SLIT2: variants seen among roughly 807,000 people sequenced by gnomAD.
SLIT2 encodes slit guidance ligand 2, also known as slit homolog 2 protein.
In SLIT2, 41 loss-of-function variants were observed where a neutral mutation model predicts 185.7. That is an observed-to-expected ratio of 0.22 (90% CI 0.17 to 0.29). SLIT2 has a LOEUF of 0.29. Ranked by LOEUF, SLIT2 falls within the 10% of genes least tolerant of loss-of-function variation. The pLI, the probability that SLIT2 is intolerant of heterozygous loss-of-function variation, is 1.00. For missense variants in SLIT2, 1,571 were observed against 1,909.0 expected (o/e 0.82, Z 3.30); for synonymous variants, 693 against 680.2 (o/e 1.02, Z -0.29).
chr4:20,587,181 G>C (rs998847382), intron 29 of SLIT2, among the ~76,000 whole-genome samples: 2 of 151,912 alleles, frequency 1.3e-5, no homozygotes, highest in Non-Finnish European at 1.5e-5. Flanking sequence ...ACCACACCCA[G>C]CTAATTTTTG....
rs1044276655 is a variant in SLIT2 at position 20,479,820 on chromosome 4, A to G, written c.468-896A>G. ...CAAATAAGTGCTTAAGATATTGGAG[A>G]AGATTCATTTACTTCAATTATGCAT... On this transcript the variant is annotated intron_variant, in intron 5 of 36. Transcript: ENST00000504154. Among the ~76,000 whole-genome samples the G allele has an allele frequency of 5.9e-5, 9 of 152,164 alleles. No individual in the cohort carries two copies. The East Asian group carries it at 1.5e-3, about 26-fold the overall frequency.
At chr4:20,387,647 C>G (rs555341126) in intron 4 of SLIT2, among the ~76,000 whole-genome samples, 7 of 152,128 alleles carry the variant, frequency 4.6e-5, no homozygotes, top group Non-Finnish European at 7.3e-5. Context: ...ACGAGAGGAA[C>G]TTGGCCAGCC....
intron 12 of SLIT2, among the ~76,000 whole-genome samples, chr4:20,521,352 T>A (rs1720822688): frequency 6.6e-6 from 1 of 152,138 alleles, no homozygotes; most frequent in Non-Finnish European, 1.5e-5. Flanking sequence ...AAATTAAGTG[T>A]CTTAGTTTTG....
chr4:20,491,907 C>G lies in SLIT2; in HGVS notation c.914+8C>G. The G allele has an allele frequency of 6.2e-7, 1 of 1,606,982 alleles. No homozygotes were observed. Among genetic ancestry groups the G allele is most frequent in the Non-Finnish European group, 8.5e-7 (1 of 1,177,594 alleles). Reference sequence around the variant, plus strand: ...AGAGACCATCACAGAAATGTATGTGCCTGAAATTCTTTCTTATCTCCCCAC... The same window carrying G: ...AGAGACCATCACAGAAATGTATGTGGCTGAAATTCTTTCTTATCTCCCCAC... On this transcript the variant is annotated splice_region_variant and intron_variant, in intron 9 of 36. Coordinates refer to ENST00000504154, the MANE Select transcript of SLIT2 (RefSeq NM_004787.4).
intron 19 of SLIT2, among the ~76,000 whole-genome samples, chr4:20,540,787 T>C (rs1245356605): frequency 6.6e-6 from 1 of 152,180 alleles, no homozygotes; most frequent in African/African-American, 2.4e-5. Context: ...AAATGTGACA[T>C]TTTACATCGA....
At chr4:20,499,557 T>C (rs1718523010) in intron 9 of SLIT2, among the ~76,000 whole-genome samples, 2 of 152,200 alleles carry the variant, frequency 1.3e-5, no homozygotes, top group African/African-American at 2.4e-5. Context: ...TGGCACCTTC[T>C]TGGCTTACTG....
In SLIT2 at chr4:20,267,218, A is replaced by G. The variant is rs191952050; in HGVS notation, c.324-1592A>G. Among the ~76,000 whole-genome samples the G allele has an allele frequency of 1.2e-3, 177 of 152,130 alleles. 2 individuals carry two copies. The highest frequency in any genetic ancestry group is 2.4e-3 in the Admixed American group (36 of 15,262). On this transcript the variant is annotated intron_variant, in intron 3 of 36. Coordinates refer to ENST00000504154, the MANE Select transcript of SLIT2 (RefSeq NM_004787.4). The stretch of plus-strand genomic sequence containing the variant: ...GGAAGTACACTGTCTTCAGAATCAT[A>G]CCTAACAGAGAACAAATAAATGAAA...
At chr4:20,479,136 G>A (rs999194635) in intron 5 of SLIT2, among the ~76,000 whole-genome samples, 1 of 152,192 alleles carries the variant, frequency 6.6e-6, no homozygotes, top group East Asian at 1.9e-4. Context: ...AATAGTGCAC[G>A]TCCTAAATTG....
chr4:20,280,165 CTACTAAAAA>C (rs1363837173), intron 4 of SLIT2, among the ~76,000 whole-genome samples: 6 of 151,780 alleles, frequency 4.0e-5, no homozygotes, highest in Non-Finnish European at 7.4e-5. Flanking sequence ...AACCCTGTCT[CTACTAAAAA>C]TACAAAAAAT....
At chr4:20,547,617 C>G (rs1324417034) in intron 22 of SLIT2, among the ~76,000 whole-genome samples, 3 of 151,342 alleles carry the variant, frequency 2.0e-5, no homozygotes, top group Non-Finnish European at 2.9e-5. Flanking sequence ...TCCATTTATT[C>G]ATATATTTTG....
chr4:20,418,602 A>C (rs193105854), intron 4 of SLIT2, among the ~76,000 whole-genome samples: 152 of 152,336 alleles, frequency 1.0e-3, no homozygotes, highest in African/African-American at 3.3e-3. Flanking sequence ...TGATTTTATT[A>C]ACTCAAACCC....
intron 5 of SLIT2, among the ~76,000 whole-genome samples, chr4:20,471,840 G>A (rs1456423923): frequency 2.6e-5 from 4 of 152,074 alleles, no homozygotes; most frequent in African/African-American, 9.7e-5. Flanking sequence ...CAGATGGACA[G>A]TTATCTTGCT....
At chr4:20,511,593 T>TATTTTTTTTTTA (rs1553915380) in intron 11 of SLIT2, among the ~76,000 whole-genome samples, 14 of 134,246 alleles carry the variant, frequency 1.0e-4, no homozygotes, top group South Asian at 2.4e-4. Context: ...GCTAATTTTT[T>TATTTTTTTTTTA]TTTTTTTTTT....
chr4:20,328,950 A>C (rs899210957), intron 4 of SLIT2, among the ~76,000 whole-genome samples: 1 of 152,066 alleles, frequency 6.6e-6, no homozygotes, highest in Non-Finnish European at 1.5e-5. Context: ...GAGAAGAGAA[A>C]GGCAGAAGAA....
Position 20,268,899 on chromosome 4 carries a change from G to A in SLIT2, c.395+18G>A, listed in dbSNP as rs779783593. 4 of 1,485,050 alleles carry A rather than the reference G, an allele frequency of 2.7e-6. No individual in the cohort carries two copies. In the Admixed American group the frequency reaches 5.0e-5, roughly 19 times the overall value. 92.0% of individuals were successfully genotyped at this position (1,485,050 alleles called of 1,614,324 possible). A position where few individuals can be genotyped will look rare whatever the true frequency, so the allele number is the denominator to read the frequency against. On this transcript the variant is annotated intron_variant, in intron 4 of 36. Coordinates refer to ENST00000504154, the MANE Select transcript of SLIT2 (RefSeq NM_004787.4). ...TACAGGCTGTAAGTAGACACAAATA[G>A]TTATTGTTGCTTTGGGTAGTACCTT...
rs959105412 is a variant in SLIT2, at chr4:20,569,282, T to C, written c.3088+278T>C. ...TTGCTAAAGCTTTTAGTCCCACAAT[T>C]AAATGGCATTTTTGTGCAAACCATT... On this transcript the variant is annotated intron_variant, in intron 29 of 36. Coordinates refer to ENST00000504154, the MANE Select transcript of SLIT2 (RefSeq NM_004787.4). The C allele has an allele frequency of 4.6e-5, 17 of 372,276 alleles. No homozygotes were observed. In the East Asian group the frequency reaches 9.7e-4, roughly 21 times the overall value. The allele number at this position is 372,276 out of a possible 1,614,324, so 23.1% of individuals were successfully genotyped here. A position where few individuals can be genotyped will look rare whatever the true frequency, so the allele number is the denominator to read the frequency against.
chr4:20,376,429 A>G (rs1724028811), intron 4 of SLIT2, among the ~76,000 whole-genome samples: 1 of 152,076 alleles, frequency 6.6e-6, no homozygotes, highest in Non-Finnish European at 1.5e-5. Context: ...ATTCCATTGT[A>G]GAAAGCATAC....
At position 20,589,748 on chromosome 4, in the gene SLIT2, A is replaced by G. The variant is rs1253212593; in HGVS notation, c.3182+11A>G. 2.8e-5 allele frequency: 45 copies of G among 1,607,322 alleles called. No homozygotes were observed. Among genetic ancestry groups the G allele is most frequent in the Non-Finnish European group, 3.7e-5 (44 of 1,174,834 alleles). On this transcript the variant is annotated intron_variant, in intron 30 of 36. Transcript: ENST00000504154. The stretch of plus-strand genomic sequence containing the variant: ...TCCAAAGGGATTCAAGTAAGTCAAA[A>G]GCTACCTTTTTGCTCACAGTCAGGG...
chr4:20,545,960 G>T, intron 21 of SLIT2, 71 bp from the exon 22 acceptor site: 1 of 832,044 alleles, frequency 1.2e-6, no homozygotes, highest in Non-Finnish European at 1.9e-6. Context: ...TAAGAGTGAA[G>T]TACTGTTTAC....
Sources: gnomAD v4.1 joint callset for allele counts (sites outside exome capture counted in the v4.1 genomes callset) on GRCh38, gnomAD v4.1.1 for gene constraint, MANE v1.5 for transcripts, NCBI Gene and HGNC (gene_info 2026-07-23, HGNC 2026-07-21) for gene names.